The following NEK9 variants were observed in gnomAD, a reference collection of about 807,000 sequenced individuals.
The protein encoded by NEK9 is serine/threonine-protein kinase Nek9.
Under a neutral mutation model 123.4 loss-of-function variants are expected in NEK9, and 75 were observed. The observed-to-expected ratio is 0.61, with a 90% CI of 0.50 to 0.74. NEK9 has a LOEUF of 0.74. Among genes scored for constraint, NEK9 ranks in the 30% least tolerant of loss-of-function variants. The pLI is 0.00. For synonymous variants in NEK9, 438 were observed against 458.7 expected (o/e 0.95, Z 0.58); for missense variants, 952 against 1,214.4 (o/e 0.78, Z 3.21).
At chr14:75,116,736 T>C (rs1594849144) in intron 6 of NEK9, 1 of 173,122 alleles carries the variant, frequency 5.8e-6, no homozygotes, top group African/African-American at 2.4e-5. Flanking sequence ...CAAGTGATCA[T>C]TTCAACAGGG....
chr14:75,124,077 G>C lies in NEK9; in HGVS notation c.366C>G (p.Thr122=), dbSNP rs531970553. ...IAYYNHFMDN[T]TLLIELEYCN... The stretch of plus-strand genomic sequence containing the variant: ...AATATTCCAGCTCAATCAGCAGCGT[G>C]GTATTGTCCATGAAGTGATTGTAGT... The change falls in exon 2 of 22, where the codon ACC becomes ACG. Residue 122 remains threonine, a synonymous_variant. Coordinates refer to ENST00000238616, the MANE Select transcript of NEK9 (RefSeq NM_033116.6). 5 of 1,613,732 alleles carry C rather than the reference G, an allele frequency of 3.1e-6. No homozygotes were observed. The highest frequency in any genetic ancestry group is 4.2e-6 in the Non-Finnish European group (5 of 1,179,684).
chr14:75,123,642 A>G (rs1895416923), intron 2 of NEK9, among the ~76,000 whole-genome samples: 1 of 152,192 alleles, frequency 6.6e-6, no homozygotes, highest in Non-Finnish European at 1.5e-5. Flanking sequence ...TCTTTGGACC[A>G]CTTTTCAATA....
At chr14:75,090,098 G>A (rs1894163903) in intron 19 of NEK9, among the ~76,000 whole-genome samples, 1 of 151,994 alleles carries the variant, frequency 6.6e-6, no homozygotes, top group South Asian at 2.1e-4. Context: ...CTCCCAAAGA[G>A]CTGGGATTAC....
At chr14:75,101,190 T>A (rs1426638199) in intron 15 of NEK9, 37 bp from the exon 16 acceptor site, 1 of 1,591,808 alleles carries the variant, frequency 6.3e-7, no homozygotes, top group South Asian at 1.1e-5. Flanking sequence ...AAGGCACAAA[T>A]GAGTCCTGGA....
At chr14:75,088,360 G>GA in intron 20 of NEK9, 120 bp downstream of exon 20, 2 of 918,750 alleles carry the variant, frequency 2.2e-6, no homozygotes, top group Non-Finnish European at 3.4e-6. Context: ...TGAATAGACA[G>GA]TATAATGAGT....
intron 13 of NEK9, 108 bp downstream of exon 13, chr14:75,105,842 A>T: frequency 1.2e-6 from 1 of 861,628 alleles, no homozygotes; most frequent in Non-Finnish European, 1.9e-6. Context: ...AACAGGAAAC[A>T]CTTCGGAAAT....
chr14:75,107,370 C>A lies in NEK9; in HGVS notation c.1300G>T (p.Gly434Cys). The A allele has an allele frequency of 6.2e-7, 1 of 1,613,810 alleles. No individual in the cohort carries two copies. Among genetic ancestry groups the A allele is most frequent in the Non-Finnish European group, 8.5e-7 (1 of 1,179,904 alleles). ...GTCACACAGACAGTGAAATCATCAC[C>A]ACATGACACCTGACGGATAGCTTTG... ...QGKAIRQVSC[G>C]DDFTVCVTDE... Residue 434 changes from glycine to cysteine, a missense_variant, in exon 11 of 22, where the codon GGT (glycine) becomes TGT (cysteine). Physicochemically the swap from Gly to Cys is radical, Grantham distance 159. Around this residue, in one of 4 missense-constraint regions of NEK9, gnomAD observed 698 missense variants for 875.6 expected, o/e 0.80. Coordinates refer to ENST00000238616, the MANE Select transcript of NEK9 (RefSeq NM_033116.6).
chr14:75,106,361 G>GGA, intron 12 of NEK9, 141 bp downstream of exon 12: 1 of 298,952 alleles, frequency 3.3e-6, no homozygotes, highest in Non-Finnish European at 5.8e-6. Flanking sequence ...TCTGTCTCGA[G>GGA]AAAAAAAAAA....
In NEK9 at chr14:75,079,470, A is replaced by G. The variant is rs534050250; in HGVS notation, c.*5094T>C. The G allele has an allele frequency of 9.8e-5, 15 of 152,350 alleles. No individual in the cohort carries two copies. Among genetic ancestry groups the G allele is most frequent in the South Asian group, 2.1e-4 (1 of 4,832 alleles). 9.4% of individuals were successfully genotyped at this position (152,350 alleles called of 1,614,324 possible). On this transcript the variant is annotated 3_prime_UTR_variant, in exon 22 of 22. Transcript: ENST00000238616. ...ATAATGGATATTTAACCTAATAGGTACATTCCCTAGGCAAGTTCAATGAAA... is the reference window on the plus strand; with the variant it reads ...ATAATGGATATTTAACCTAATAGGTGCATTCCCTAGGCAAGTTCAATGAAA...
intron 18 of NEK9, 92 bp downstream of exon 18, chr14:75,095,280 C>A: frequency 2.5e-6 from 2 of 792,518 alleles, no homozygotes; most frequent in Admixed American, 2.4e-5. Flanking sequence ...AAGACATTTC[C>A]CATTTTCCTT....
chr14:75,101,243 C>T, intron 15 of NEK9, 90 bp from the exon 16 acceptor site: 1 of 1,349,908 alleles, frequency 7.4e-7, no homozygotes, highest in Non-Finnish European at 1.0e-6. Context: ...GGATTAGCTT[C>T]CGGTTGTTAG....
chr14:75,087,216 A>G lies in NEK9; in HGVS notation c.2619T>C (p.Asn873=), dbSNP rs929245818. 3.5e-5 allele frequency: 57 copies of G among 1,610,896 alleles called. No individual in the cohort carries two copies. The highest frequency in any genetic ancestry group is 4.7e-5 in the Non-Finnish European group (55 of 1,177,406). The part of the protein sequence containing the change: ...PQVEASSPRL[N]PAVTCAGKGT... ...CCTTCCCAGCACAGGTTACTGCAGG[A>G]TTCAGCCGAGGTGACTAGAGAGACA... The change falls in exon 21 of 22, where the codon AAT becomes AAC. Residue 873 remains asparagine (N), a synonymous_variant. Coordinates refer to ENST00000238616, the MANE Select transcript of NEK9 (RefSeq NM_033116.6).
In NEK9 at chr14:75,083,789, C is replaced by T. The variant is rs1363113712; in HGVS notation, c.*775G>A. 6.6e-6 allele frequency: 1 copy of T among 152,098 alleles called. No individual in the cohort carries two copies. Among genetic ancestry groups the T allele is most frequent in the Admixed American group, 6.5e-5 (1 of 15,268 alleles). 9.4% of individuals were successfully genotyped at this position (152,098 alleles called of 1,614,324 possible). A position where few individuals can be genotyped will look rare whatever the true frequency, so the allele number is the denominator to read the frequency against. ...CCCATGGACTCAATTCTCTGAGACA[C>T]CTCATCCCTCAGAGACACCTCATCC... On this transcript the variant is annotated 3_prime_UTR_variant, in exon 22 of 22. Coordinates refer to ENST00000238616, the MANE Select transcript of NEK9 (RefSeq NM_033116.6).
chr14:75,087,223 C>T lies in NEK9; in HGVS notation c.2612G>A (p.Arg871Gln), dbSNP rs149145666. The change falls in exon 21 of 22, where the codon CGG (arginine) becomes CAG (glutamine). Residue 871 changes from arginine to glutamine, a missense_variant. Physicochemically the swap from Arg to Gln is conservative, Grantham distance 43 (BLOSUM62 1). This residue lies in a region of NEK9 where 698 missense variants were observed against 875.6 expected (regional missense o/e 0.80). Coordinates refer to ENST00000238616, the MANE Select transcript of NEK9 (RefSeq NM_033116.6). ...HKPQVEASSP[R>Q]LNPAVTCAGK... Reference sequence around the variant, plus strand: ...AGCACAGGTTACTGCAGGATTCAGCCGAGGTGACTAGAGAGACAAGAAGGA... The same window carrying T: ...AGCACAGGTTACTGCAGGATTCAGCTGAGGTGACTAGAGAGACAAGAAGGA... The T allele has an allele frequency of 3.5e-5, 57 of 1,608,558 alleles. No homozygotes were observed. The highest frequency in any genetic ancestry group is 3.5e-4 in the African/African-American group (26 of 74,954).
At chr14:75,123,883 A>C (rs1209369863) in intron 2 of NEK9, among the ~76,000 whole-genome samples, 163 bp downstream of exon 2, 1 of 152,188 alleles carries the variant, frequency 6.6e-6, no homozygotes, top group Non-Finnish European at 1.5e-5. Flanking sequence ...TATTTCGTAC[A>C]CCACTTCAAA....
chr14:75,104,167 CTTTT>C (rs57333930), intron 13 of NEK9, among the ~76,000 whole-genome samples, 170 bp from the exon 14 acceptor site: 3 of 143,098 alleles, frequency 2.1e-5, no homozygotes, highest in Admixed American at 7.0e-5. Flanking sequence ...ACTACTTTTT[CTTTT>C]TTTTTTTTTT....
chr14:75,089,547 A>AT (rs1894142106), intron 19 of NEK9, among the ~76,000 whole-genome samples: 1 of 148,692 alleles, frequency 6.7e-6, no homozygotes, highest in Non-Finnish European at 1.5e-5. Flanking sequence ...TTATCTATTT[A>AT]TTTTTTGAGA....
chr14:75,089,767 C>T (rs1894151681), intron 19 of NEK9, among the ~76,000 whole-genome samples: 3 of 151,744 alleles, frequency 2.0e-5, no homozygotes, highest in South Asian at 2.1e-4. Flanking sequence ...GGCGCAATCT[C>T]GGCTCACTGC....
intron 6 of NEK9, 69 bp downstream of exon 6, chr14:75,117,126 G>T: frequency 6.6e-7 from 1 of 1,513,124 alleles, no homozygotes. Flanking sequence ...GAATAGAGTT[G>T]ATCTGCTTAG....
Sources: gnomAD v4.1 joint callset for allele counts (sites outside exome capture counted in the v4.1 genomes callset) on GRCh38, gnomAD v4.1.1 for gene constraint, gnomAD v4.1.1 regional missense constraint, MANE v1.5 for transcripts, NCBI Gene and HGNC (gene_info 2026-07-23, HGNC 2026-07-21) for gene names.